Variants in FTO observed in about 807,000 individuals in gnomAD.
FTO encodes the protein FTO alpha-ketoglutarate dependent dioxygenase.
In FTO, 47 loss-of-function variants were observed where a neutral mutation model predicts 63.9. That is an observed-to-expected ratio of 0.74 (90% CI 0.58 to 0.94). The LOEUF (loss-of-function observed/expected upper bound fraction) is 0.94. Among genes scored for constraint, FTO ranks in the 40% least tolerant of loss-of-function variants. The pLI, the probability that FTO is intolerant of heterozygous loss-of-function variation, is 0.00. For synonymous variants in FTO, 207 were observed against 224.4 expected (o/e 0.92, Z 0.69); for missense variants, 562 against 618.1 (o/e 0.91, Z 0.96).
chr16:53,914,115 G>A (rs1255612549), intron 7 of FTO, among the ~76,000 whole-genome samples: 2 of 152,216 alleles, frequency 1.3e-5, no homozygotes, highest in African/African-American at 4.8e-5. Context: ...TTGTGGAAGA[G>A]TTTCAGAGCC....
intron 8 of FTO, among the ~76,000 whole-genome samples, chr16:54,032,479 A>G (rs1248643434): frequency 1.3e-5 from 2 of 152,134 alleles, no homozygotes; most frequent in African/African-American, 4.8e-5. Flanking sequence ...AAAATTATGA[A>G]ATTATTCCCC....
chr16:53,713,325 A>G (rs1022337828), intron 1 of FTO, among the ~76,000 whole-genome samples: 4 of 152,128 alleles, frequency 2.6e-5, no homozygotes, highest in Non-Finnish European at 5.9e-5. Flanking sequence ...TTAGTTTATT[A>G]TGGCAGTTTT....
intron 1 of FTO, among the ~76,000 whole-genome samples, chr16:53,722,507 C>T (rs965442288): frequency 2.0e-5 from 3 of 152,116 alleles, no homozygotes; most frequent in Non-Finnish European, 2.9e-5. Flanking sequence ...TGCTCTCCAT[C>T]ACCAGTAGAA....
At chr16:54,015,606 A>G (rs993834558) in intron 8 of FTO, among the ~76,000 whole-genome samples, 3 of 152,248 alleles carry the variant, frequency 2.0e-5, no homozygotes, top group African/African-American at 7.2e-5. Flanking sequence ...TTTAAAATTC[A>G]AAGACTTTGG....
intron 4 of FTO, among the ~76,000 whole-genome samples, chr16:53,865,030 C>T (rs1166369172): frequency 6.6e-6 from 1 of 152,010 alleles, no homozygotes; most frequent in African/African-American, 2.4e-5. Flanking sequence ...CTCAGTGTTC[C>T]CCTCAGTGGA....
At chr16:54,094,432 T>C (rs1436750669) in intron 8 of FTO, among the ~76,000 whole-genome samples, 1 of 152,220 alleles carries the variant, frequency 6.6e-6, no homozygotes, top group African/African-American at 2.4e-5. Flanking sequence ...TTAAAACTCC[T>C]TTCTAACCAA....
intron 8 of FTO, among the ~76,000 whole-genome samples, chr16:54,038,918 A>AG (rs1170926500): frequency 3.3e-5 from 5 of 152,150 alleles, no homozygotes; most frequent in Admixed American, 6.5e-5. Context: ...CACAAAATAA[A>AG]CTAATACATC....
rs2086449839 is a variant in FTO at position 54,093,717 on chromosome 16, A to G, written c.1365-18045A>G. On this transcript the variant is annotated intron_variant, in intron 8 of 8. Transcript: ENST00000471389. ...ATGACCTTCTGAATTTTGGCAAATG[A>G]GAAAGCATCTGGGATCCGCAGTGAG... 1.3e-5 allele frequency among the ~76,000 whole-genome samples: 2 copies of G among 152,206 alleles called. 1 individual carries two copies. The highest frequency in any genetic ancestry group is 4.1e-4 in the South Asian group (2 of 4,832).
chr16:53,897,978 G>GCTAC (rs1385002620), intron 7 of FTO, among the ~76,000 whole-genome samples: 2 of 152,072 alleles, frequency 1.3e-5, no homozygotes, highest in African/African-American at 4.8e-5. Flanking sequence ...TACCTCCTGT[G>GCTAC]CTACCACCTT....
At chr16:53,711,380 G>A (rs967924112) in intron 1 of FTO, 1 of 398,506 alleles carries the variant, frequency 2.5e-6, no homozygotes. Context: ...CTGATTAAGT[G>A]TCGAGTAGTG....
chr16:53,806,820 A>T (rs1322035899), intron 1 of FTO, among the ~76,000 whole-genome samples: 1 of 152,190 alleles, frequency 6.6e-6, no homozygotes, highest in Non-Finnish European at 1.5e-5. Context: ...AGGATAAATC[A>T]GAAGTAGGAT....
intron 8 of FTO, among the ~76,000 whole-genome samples, chr16:53,951,361 G>C (rs12925189): frequency 1.3e-5 from 2 of 151,894 alleles, no homozygotes; most frequent in Admixed American, 6.6e-5. Context: ...CTTAGTGACA[G>C]TCATCCATGT....
At chr16:53,719,825 T>C (rs1026368265) in intron 1 of FTO, among the ~76,000 whole-genome samples, 6 of 152,154 alleles carry the variant, frequency 3.9e-5, no homozygotes, top group Admixed American at 2.0e-4. Context: ...AATCTTAAAA[T>C]AGTTTTATCT....
intron 1 of FTO, among the ~76,000 whole-genome samples, chr16:53,751,559 A>G (rs762202988): frequency 3.3e-5 from 5 of 152,198 alleles, no homozygotes; most frequent in Non-Finnish European, 4.4e-5. Flanking sequence ...GAAGACTAAT[A>G]TTATATGGTT....
In FTO at chr16:53,844,240, C is replaced by T. The variant is rs2079555282; in HGVS notation, c.837C>T (p.Asp279=). Residue 279 remains aspartate, a synonymous_variant, in exon 4 of 9, where the codon GAC becomes GAT. Transcript: ENST00000471389. ...ATGTTGGTTTTAAGATCTCATGGGA[C>T]ATAGAGACACCTGGTTTGGCGATAC... The part of the protein sequence containing the change: ...IWHVGFKISW[D]IETPGLAIPL... The T allele has an allele frequency of 1.9e-6, 3 of 1,612,992 alleles. No homozygotes were observed. Among genetic ancestry groups the T allele is most frequent in the East Asian group, 2.2e-5 (1 of 44,882 alleles).
chr16:53,726,123 A>G (rs2076147879), intron 1 of FTO, among the ~76,000 whole-genome samples: 1 of 152,140 alleles, frequency 6.6e-6, no homozygotes, highest in African/African-American at 2.4e-5. Context: ...ATAAGGAGGT[A>G]TTTGTGTCAT....
rs2085751376 is a variant in FTO at position 54,067,148 on chromosome 16, TTG to T, written c.1365-44612_1365-44611del. Among the ~76,000 whole-genome samples, 3 of 150,804 alleles carry T rather than the reference TTG, an allele frequency of 2.0e-5. No individual in the cohort carries two copies. The South Asian group carries it at 6.3e-4, about 32-fold the overall frequency. On this transcript the variant is annotated intron_variant, in intron 8 of 8. Coordinates refer to ENST00000471389, the MANE Select transcript of FTO (RefSeq NM_001080432.3). ...GTTTTTGGTTGTTGTTGTTTTTTTT[TTG>T]TTTTCTTTTTTTGAATAGACTTAAA...
At chr16:53,950,050 G>A (rs568574575) in intron 8 of FTO, among the ~76,000 whole-genome samples, 196 of 141,554 alleles carry the variant, frequency 1.4e-3, no homozygotes, top group Middle Eastern at 7.2e-3. Flanking sequence ...TTTGGGGGGG[G>A]AAAGTAAAGG....
intron 6 of FTO, among the ~76,000 whole-genome samples, chr16:53,882,068 CA>C (rs145302513): frequency 5.3e-5 from 8 of 150,916 alleles, no homozygotes; most frequent in African/African-American, 1.5e-4. Context: ...AATTATACCT[CA>C]AAAAAAACCA....
Sources: allele counts gnomAD v4.1 joint callset (sites outside exome capture counted in the v4.1 genomes callset), GRCh38; gene constraint gnomAD v4.1.1; transcripts MANE v1.5; gene names NCBI Gene and HGNC (gene_info 2026-07-23, HGNC 2026-07-21).